The following MBD1 variants were observed in gnomAD, a reference collection of about 807,000 sequenced individuals.
MBD1 encodes methyl-CpG binding domain protein 1.
Under a neutral mutation model 82.6 loss-of-function variants are expected in MBD1, and 25 were observed. That is an observed-to-expected ratio of 0.30 (90% CI 0.22 to 0.42). MBD1 has a LOEUF of 0.42. Among genes scored for constraint, MBD1 ranks in the 10% least tolerant of loss-of-function variants. MBD1 has a pLI of 1.00. For missense variants in MBD1, 627 were observed against 819.6 expected (o/e 0.76, Z 2.87); for synonymous variants, 301 against 303.7 (o/e 0.99, Z 0.09).
At chr18:50,275,309 C>T in intron 8 of MBD1, 64 bp from the exon 9 acceptor site, 3 of 1,610,962 alleles carry the variant, frequency 1.9e-6, no homozygotes, top group Non-Finnish European at 2.5e-6. Context: ...AAACTCCCCA[C>T]ACCCTAAGTG....
downstream of MBD1, among the ~76,000 whole-genome samples, chr18:50,267,815 T>A (rs576968187): frequency 6.6e-6 from 1 of 152,228 alleles, no homozygotes; most frequent in Non-Finnish European, 1.5e-5. Context: ...AAGGACGCAA[T>A]TTACTGTAAA....
chr18:50,276,409 ATTCTCTGTGCT>A lies in MBD1; in HGVS notation c.476-2_484del. ...CATTCTCTGTTCCCGGTTGAAGGCA[ATTCTCTGTGCT>A]GTGGGGAGGAAGAGGGAAGAAGAAA... On this transcript the variant is annotated splice_acceptor_variant and coding_sequence_variant, in exon 6 of 17. Transcript: ENST00000269468. LOFTEE classifies it high-confidence loss of function. 1 of 1,614,178 alleles carries A rather than the reference ATTCTCTGTGCT, an allele frequency of 6.2e-7. No individual in the cohort carries two copies.
rs1232392210 is a variant in MBD1 at position 50,271,542 on chromosome 18, T to C, written c.1779-2A>G. On this transcript the variant is annotated splice_acceptor_variant, in intron 15 of 16. Transcript: ENST00000269468. LOFTEE classifies it high-confidence loss of function. ...CCAGGTTTTTTAAGGTCTTTGGACC[T>C]AGGGAAAAGGGAGCAGGTCTGTATG... 1 of 1,614,238 alleles carries C rather than the reference T, an allele frequency of 6.2e-7. No homozygotes were observed. The highest frequency in any genetic ancestry group is 8.5e-7 in the Non-Finnish European group (1 of 1,180,046).
At chr18:50,278,310 G>A (rs1249600548) in intron 2 of MBD1, among the ~76,000 whole-genome samples, 2 of 152,172 alleles carry the variant, frequency 1.3e-5, no homozygotes, top group Non-Finnish European at 2.9e-5. Flanking sequence ...AACTAAAGCT[G>A]TGGAAAATGA....
chr18:50,273,109 C>G (rs2036303370), intron 13 of MBD1, 154 bp from the exon 14 acceptor site: 2 of 1,229,274 alleles, frequency 1.6e-6, no homozygotes, highest in African/African-American at 1.5e-5. Context: ...TTTCCCATTC[C>G]CATTCCTCAC....
At position 50,270,239 on chromosome 18, in the gene MBD1, T is replaced by G. The variant is rs201229692; in HGVS notation, c.*33-421A>C. Reference sequence around the variant, plus strand: ...AATCCATGTCTGAATTACTTAAAGCTGCAGGGCTGGGACTAGGGTAAGGCA... The same window carrying G: ...AATCCATGTCTGAATTACTTAAAGCGGCAGGGCTGGGACTAGGGTAAGGCA... On this transcript the variant is annotated intron_variant, in intron 16 of 16. Transcript: ENST00000269468. 2.8e-4 allele frequency: 387 copies of G among 1,360,544 alleles called. 6 individuals are homozygous for G. In the South Asian group the frequency reaches 4.4e-3, roughly 15 times the overall value. The allele number at this position is 1,360,544 out of a possible 1,614,324, so 84.3% of individuals were successfully genotyped here.
At chr18:50,279,785 A>G (rs2039500657) in intron 2 of MBD1, 98 bp downstream of exon 2, 2 of 1,499,326 alleles carry the variant, frequency 1.3e-6, no homozygotes, top group East Asian at 2.3e-5. Context: ...CTGTATGTGC[A>G]TAATTTAAAC....
At chr18:50,275,292 GAC>G in intron 8 of MBD1, 47 bp from the exon 9 acceptor site, 1 of 1,610,822 alleles carries the variant, frequency 6.2e-7, no homozygotes, top group East Asian at 2.2e-5. Context: ...GCACCAGGCA[GAC>G]ACAGAAACTC....
intron 8 of MBD1, 70 bp downstream of exon 8, chr18:50,275,530 G>C (rs1246667770): frequency 1.2e-6 from 2 of 1,612,470 alleles, no homozygotes; most frequent in East Asian, 4.5e-5. Context: ...GCAAGGCCAG[G>C]TTGAAAGGAA....
At chr18:50,271,384 C>G in intron 16 of MBD1, 85 bp downstream of exon 16, 1 of 1,609,070 alleles carries the variant, frequency 6.2e-7, no homozygotes, top group Non-Finnish European at 8.5e-7. Flanking sequence ...AGGGTTGATT[C>G]ACACACAAGC....
In MBD1 at chr18:50,274,204, T is replaced by C. The variant is rs375268921; in HGVS notation, c.1128A>G (p.Gln376=). 86 of 1,614,092 alleles carry C rather than the reference T, an allele frequency of 5.3e-5. No individual in the cohort carries two copies. Among genetic ancestry groups the C allele is most frequent in the Middle Eastern group, 3.3e-4 (2 of 6,024 alleles). The change falls in exon 11 of 17, where the codon CAA becomes CAG. Residue 376 remains glutamine, a synonymous_variant. Transcript: ENST00000269468. The part of the protein sequence containing the change: ...NQKRQKCRWR[Q]CLQFAMKRLL... ...CACCCACCATGGCAAACTGCAGGCATTGGCGCCAACGACACTTCTGGCGCT... is the reference window on the plus strand; with the variant it reads ...CACCCACCATGGCAAACTGCAGGCACTGGCGCCAACGACACTTCTGGCGCT...
In MBD1 at chr18:50,269,696, G is replaced by GA. The variant is rs2034655301; in HGVS notation, c.*154dup. ...CCACATCATCGAAGCTGGAGGTGGT[G>GA]AGAGACTGACATGGGTTCCAGGCCA... On this transcript the variant is annotated 3_prime_UTR_variant, in exon 17 of 17. Transcript: ENST00000269468. 7.7e-6 allele frequency: 6 copies of GA among 779,448 alleles called. No individual in the cohort carries two copies. In the East Asian group the frequency reaches 1.5e-4, roughly 19 times the overall value. The allele number at this position is 779,448 out of a possible 1,614,324, so 48.3% of individuals were successfully genotyped here.
intron 16 of MBD1, chr18:50,270,339 A>G: frequency 1.5e-6 from 1 of 681,554 alleles, no homozygotes; most frequent in East Asian, 2.9e-5. Context: ...CTAACAAATT[A>G]CAGGTCTAAT....
intron 8 of MBD1, 113 bp from the exon 9 acceptor site, chr18:50,275,358 T>TGAGGCACTCACAGTTGGGG: frequency 1.2e-6 from 2 of 1,611,928 alleles, no homozygotes; most frequent in Non-Finnish European, 1.7e-6. Flanking sequence ...GAGGGTGGCG[T>TGAGGCACTCACAGTTGGGG]GAGGCACTCA....
chr18:50,276,103 C>T (rs547094764), intron 6 of MBD1, 122 bp from the exon 7 acceptor site: 191 of 1,287,820 alleles, frequency 1.5e-4, no homozygotes, highest in Admixed American at 7.9e-4. Flanking sequence ...GCCTCATCAC[C>T]GTATCTGAGA....
At chr18:50,278,648 A>C (rs1252232938) in intron 2 of MBD1, among the ~76,000 whole-genome samples, 1 of 152,244 alleles carries the variant, frequency 6.6e-6, no homozygotes, top group East Asian at 1.9e-4. Context: ...TAGAAACTTA[A>C]TAATGTTTCT....
At chr18:50,273,158 C>A in intron 13 of MBD1, 176 bp downstream of exon 13, 6 of 1,229,608 alleles carry the variant, frequency 4.9e-6, no homozygotes, top group African/African-American at 1.5e-5. Flanking sequence ...GCAAAGCGGG[C>A]AAAGCTAGTT....
At chr18:50,267,846 G>A (rs1038386730), downstream of MBD1, among the ~76,000 whole-genome samples, 1 of 152,210 alleles carries the variant, frequency 6.6e-6, no homozygotes, top group Non-Finnish European at 1.5e-5. Context: ...TTAATCATTT[G>A]TAAACCACCC....
At chr18:50,277,488 A>T (rs1439324480) in intron 2 of MBD1, among the ~76,000 whole-genome samples, 2 of 151,954 alleles carry the variant, frequency 1.3e-5, no homozygotes, top group Non-Finnish European at 2.9e-5. Flanking sequence ...ATAAACACAA[A>T]TAGGAACACA....
Sources: gnomAD v4.1 joint callset for allele counts (sites outside exome capture counted in the v4.1 genomes callset) on GRCh38, gnomAD v4.1.1 for gene constraint, MANE v1.5 for transcripts, NCBI Gene and HGNC (gene_info 2026-07-23, HGNC 2026-07-21) for gene names.